The following GLIS3 variants were observed in gnomAD, a reference collection of about 807,000 sequenced individuals.
GLIS3 encodes the protein zinc finger protein GLIS3.
Under a neutral mutation model 78.6 loss-of-function variants are expected in GLIS3, and 53 were observed. That is an observed-to-expected ratio of 0.67 (90% CI 0.54 to 0.85). The LOEUF is 0.85. Among genes scored for constraint, GLIS3 ranks in the 40% least tolerant of loss-of-function variants. GLIS3 has a pLI of 0.00. For synonymous variants in GLIS3, 684 were observed against 509.9 expected (o/e 1.34, Z -4.60); for missense variants, 1,703 against 1,231.1 (o/e 1.38, Z -5.74).
At chr9:4,386,406 A>G in the GLIS3 span, 2 of 150,620 alleles carry the variant, frequency 1.3e-5, no homozygotes, top group East Asian at 3.9e-4. Context: ...AAAAATTATG[A>G]TTTTTTTAAA....
the GLIS3 span, among the ~76,000 whole-genome samples, chr9:4,360,175 G>A: frequency 6.6e-6 from 1 of 152,152 alleles, no homozygotes; most frequent in Non-Finnish European, 1.5e-5. Flanking sequence ...GCAGGCTGAG[G>A]AGGATTGGAA....
chr9:4,148,608 C>T (rs1202564546), intron 2 of GLIS3, among the ~76,000 whole-genome samples: 3 of 151,950 alleles, frequency 2.0e-5, no homozygotes, highest in African/African-American at 7.3e-5. Context: ...ACCTAATCCA[C>T]CTGGACCCCT....
intron 9 of GLIS3, among the ~76,000 whole-genome samples, chr9:3,848,631 C>G (rs149003588): frequency 2.0e-4 from 31 of 152,370 alleles, no homozygotes; most frequent in African/African-American, 7.5e-4. Context: ...TGCACAATCA[C>G]TGTGAGTAAA....
At chr9:4,358,842 C>G in the GLIS3 span, among the ~76,000 whole-genome samples, 2 of 152,286 alleles carry the variant, frequency 1.3e-5, no homozygotes, top group Admixed American at 6.5e-5. Flanking sequence ...GATGTAAAAT[C>G]TTAGTAATGA....
chr9:4,222,581 A>C (rs932394139), intron 2 of GLIS3, among the ~76,000 whole-genome samples: 14 of 152,206 alleles, frequency 9.2e-5, no homozygotes, highest in African/African-American at 3.1e-4. Context: ...CAAATGTTTC[A>C]AGTCACAGTG....
intron 2 of GLIS3, among the ~76,000 whole-genome samples, chr9:4,148,286 C>A (rs942986811): frequency 5.3e-5 from 8 of 152,080 alleles, no homozygotes; most frequent in Non-Finnish European, 1.0e-4. Context: ...AGTTTGATTT[C>A]AGCCTGAATT....
upstream of GLIS3, among the ~76,000 whole-genome samples, chr9:4,300,467 T>G (rs1405837269): frequency 3.3e-5 from 5 of 151,826 alleles, no homozygotes; most frequent in Non-Finnish European, 5.9e-5. Context: ...GGCAAAAGGG[T>G]TGCTTTGAAA....
intron 2 of GLIS3, among the ~76,000 whole-genome samples, chr9:4,256,983 G>A (rs979223016): frequency 6.6e-6 from 1 of 151,710 alleles, no homozygotes; most frequent in Non-Finnish European, 1.5e-5. Flanking sequence ...AAGAAGTTGT[G>A]GTATACATAC....
At chr9:4,308,548 C>G (rs1020588014) in intron 4 of GLIS3, among the ~76,000 whole-genome samples, 3 of 152,126 alleles carry the variant, frequency 2.0e-5, no homozygotes, top group African/African-American at 2.4e-5. Flanking sequence ...TCTCCCCCAG[C>G]CTTGAGGATC....
Position 3,980,643 on chromosome 9 carries a change from T to C in GLIS3, c.1711-43454A>G, listed in dbSNP as rs115872798. On this transcript the variant is annotated intron_variant, in intron 4 of 10. Coordinates refer to ENST00000381971, the MANE Select transcript of GLIS3 (RefSeq NM_001042413.2). ...CTCTGTATGTTCAGAGTGATAATGT[T>C]TTTTAATCAGAGGGCATTTTATTTG... 5.8e-3 allele frequency among the ~76,000 whole-genome samples: 886 copies of C among 152,318 alleles called. 16 individuals are homozygous for C. Among genetic ancestry groups the C allele is most frequent in the African/African-American group, 0.02 (839 of 41,562 alleles).
At chr9:4,105,747 T>C (rs150215783) in intron 4 of GLIS3, among the ~76,000 whole-genome samples, 125 of 152,282 alleles carry the variant, frequency 8.2e-4, no homozygotes, top group African/African-American at 2.9e-3. Context: ...TTCTCCCTTA[T>C]TCAGATTATA....
chr9:3,826,618 A>G lies in GLIS3; in HGVS notation c.*1654T>C, dbSNP rs1336070661. On this transcript the variant is annotated 3_prime_UTR_variant, in exon 11 of 11. Coordinates refer to ENST00000381971, the MANE Select transcript of GLIS3 (RefSeq NM_001042413.2). Reference sequence around the variant, plus strand: ...CTTGGTTCTTCATTCACCTCATTCTACTGCATGTTGGAATGAACTCTGGAA... The same window carrying G: ...CTTGGTTCTTCATTCACCTCATTCTGCTGCATGTTGGAATGAACTCTGGAA... 6.6e-6 allele frequency: 1 copy of G among 152,188 alleles called. No homozygotes were observed. The highest frequency in any genetic ancestry group is 2.4e-5 in the African/African-American group (1 of 41,430). The allele number at this position is 152,188 out of a possible 1,614,324, so 9.4% of individuals were successfully genotyped here. A position where few individuals can be genotyped will look rare whatever the true frequency, so the allele number is the denominator to read the frequency against.
At chr9:4,187,184 G>A (rs1817884474) in intron 2 of GLIS3, among the ~76,000 whole-genome samples, 1 of 152,202 alleles carries the variant, frequency 6.6e-6, no homozygotes, top group Non-Finnish European at 1.5e-5. Context: ...AAGGTGTAAG[G>A]AAGGGATCCA....
the GLIS3 span, among the ~76,000 whole-genome samples, chr9:4,479,715 G>C: frequency 6.6e-6 from 1 of 152,044 alleles, no homozygotes; most frequent in Non-Finnish European, 1.5e-5. Flanking sequence ...CTGCACCCCA[G>C]GTTAGGAAGG....
chr9:3,991,683 A>AATTTTTTTTTTTTTTTT lies in GLIS3; in HGVS notation c.1711-54495_1711-54494insAAAAAAAAAAAAAAAAT, dbSNP rs1265317427. On this transcript the variant is annotated intron_variant, in intron 4 of 10. Transcript: ENST00000381971. ...GTTCAGAATTTCATTAAGTAGGCTG[A>AATTTTTTTTTTTTTTTT]TTTTTTTTTTTTTTTTTTTTTTTTT... is the stretch of plus-strand genomic sequence containing the variant. Among the ~76,000 whole-genome samples, 89 of 87,908 alleles carry AATTTTTTTTTTTTTTTT rather than the reference A, an allele frequency of 1.0e-3. 10 individuals carry two copies. The highest frequency in any genetic ancestry group is 4.6e-3 in the African/African-American group (87 of 18,984). The allele number at this position is 87,908 out of a possible 152,430, so 57.7% of individuals were successfully genotyped here.
At chr9:4,416,600 T>G in the GLIS3 span, among the ~76,000 whole-genome samples, 10 of 152,158 alleles carry the variant, frequency 6.6e-5, no homozygotes, top group African/African-American at 2.4e-4. Context: ...TATTTTATTC[T>G]TTGTACTTTC....
intron 3 of GLIS3, chr9:4,123,773 G>T (rs999204295): frequency 6.0e-5 from 24 of 398,154 alleles, no homozygotes; most frequent in Middle Eastern, 6.3e-4. Context: ...TCCACCCATG[G>T]TCGTCTCTGG....
At chr9:4,299,238 C>G (rs1455042249) in intron 1 of GLIS3, among the ~76,000 whole-genome samples, 183 bp downstream of exon 1, 1 of 152,188 alleles carries the variant, frequency 6.6e-6, no homozygotes, top group East Asian at 1.9e-4. Flanking sequence ...CTCTCAGTGA[C>G]CTGTGACGCC....
intron 2 of GLIS3, among the ~76,000 whole-genome samples, chr9:4,254,466 T>TA (rs1358717030): frequency 8.5e-5 from 13 of 152,162 alleles, no homozygotes; most frequent in Admixed American, 8.5e-4. Context: ...TGACAGTAAA[T>TA]ACTGCCTTTA....
Sources: allele counts gnomAD v4.1 joint callset (sites outside exome capture counted in the v4.1 genomes callset), GRCh38; gene constraint gnomAD v4.1.1; transcripts MANE v1.5; gene names NCBI Gene and HGNC (gene_info 2026-07-23, HGNC 2026-07-21).